Variants in ELOVL5 observed in about 807,000 individuals in gnomAD.
ELOVL5 encodes the protein very long chain fatty acid elongase 5.
ELOVL5 carries 8 observed loss-of-function variants against 38.6 expected under a neutral mutation model. The observed-to-expected ratio is 0.21, with a 90% CI of 0.12 to 0.37. The LOEUF (loss-of-function observed/expected upper bound fraction) is 0.37, where lower values mean the gene tolerates loss of function less well. ELOVL5 is among the 10% of genes least tolerant of loss of function. ELOVL5 has a pLI of 1.00. For synonymous variants in ELOVL5, 127 were observed against 133.7 expected, an observed-to-expected ratio of 0.95 and a Z score of 0.34; for missense variants, 280 against 367.8, an observed-to-expected ratio of 0.76 and a Z score of 1.95.
chr6:53,293,471 C>T (rs1766852799), intron 2 of ELOVL5, among the ~76,000 whole-genome samples: 1 of 152,068 alleles, frequency 6.6e-6, no homozygotes, highest in Non-Finnish European at 1.5e-5. Context: ...ACACACACCA[C>T]CACACCCCGC....
At chr6:53,293,524 G>A (rs1044807001) in intron 2 of ELOVL5, among the ~76,000 whole-genome samples, 3 of 151,986 alleles carry the variant, frequency 2.0e-5, no homozygotes, top group African/African-American at 7.3e-5. Context: ...CACCATATTG[G>A]TCAGGCTGGT....
intron 1 of ELOVL5, among the ~76,000 whole-genome samples, chr6:53,304,371 T>C (rs9395851): frequency 0.36 from 55,222 of 152,032 alleles, 11,143 homozygotes; most frequent in African/African-American, 0.55. Context: ...CTTTGTAAAG[T>C]GTGAGCCCAT....
chr6:53,338,376 C>G (rs966496997), intron 1 of ELOVL5, among the ~76,000 whole-genome samples: 2 of 152,176 alleles, frequency 1.3e-5, no homozygotes, highest in African/African-American at 4.8e-5. Context: ...TGCTTTTGTT[C>G]CTACTCCTTG....
chr6:53,305,145 G>A (rs1247785808), intron 1 of ELOVL5, among the ~76,000 whole-genome samples: 1 of 150,458 alleles, frequency 6.6e-6, no homozygotes, highest in Non-Finnish European at 1.5e-5. Context: ...CGGCTCGCCG[G>A]GCAGGGGGCT....
At chr6:53,306,796 T>G (rs1767598783) in intron 1 of ELOVL5, among the ~76,000 whole-genome samples, 1 of 152,222 alleles carries the variant, frequency 6.6e-6, no homozygotes, top group Admixed American at 6.5e-5. Context: ...GAAGAAGTGG[T>G]GATAACTTTT....
chr6:53,312,304 C>T (rs774641085), intron 1 of ELOVL5, among the ~76,000 whole-genome samples: 1 of 152,172 alleles, frequency 6.6e-6, no homozygotes, highest in Non-Finnish European at 1.5e-5. Context: ...AAGATACTCT[C>T]CAACAGGTGA....
chr6:53,328,385 A>C (rs572386126), intron 1 of ELOVL5, among the ~76,000 whole-genome samples: 2 of 152,320 alleles, frequency 1.3e-5, no homozygotes, highest in East Asian at 3.9e-4. Context: ...GTATCAAAGA[A>C]TCTGAGGTTA....
At chr6:53,314,707 T>TG (rs1219998078) in intron 1 of ELOVL5, among the ~76,000 whole-genome samples, 2 of 151,454 alleles carry the variant, frequency 1.3e-5, no homozygotes, top group Non-Finnish European at 2.9e-5. Flanking sequence ...ATAATTTGAG[T>TG]GAAAAAAATA....
At chr6:53,295,181 A>G (rs1194268816) in intron 2 of ELOVL5, among the ~76,000 whole-genome samples, 1 of 152,242 alleles carries the variant, frequency 6.6e-6, no homozygotes, top group Non-Finnish European at 1.5e-5. Context: ...GGCAATATGA[A>G]GCTGATTTAC....
chr6:53,281,043 A>C (rs1034740947), intron 3 of ELOVL5, among the ~76,000 whole-genome samples: 1 of 152,186 alleles, frequency 6.6e-6, no homozygotes, highest in Non-Finnish European at 1.5e-5. Flanking sequence ...GGTCACTGGA[A>C]ACACTTAAAG....
intron 1 of ELOVL5, among the ~76,000 whole-genome samples, chr6:53,308,081 C>G (rs563923912): frequency 1.8e-4 from 28 of 151,620 alleles, no homozygotes; most frequent in African/African-American, 6.6e-4. Flanking sequence ...GAAAAAGATA[C>G]AGAACTATGT....
At chr6:53,334,337 G>A (rs192150009) in intron 1 of ELOVL5, among the ~76,000 whole-genome samples, 22 of 152,296 alleles carry the variant, frequency 1.4e-4, no homozygotes, top group African/African-American at 5.1e-4. Flanking sequence ...CAGAGCCAGA[G>A]AGGCTCCTGA....
At chr6:53,335,092 T>C (rs911634106) in intron 1 of ELOVL5, among the ~76,000 whole-genome samples, 5 of 152,194 alleles carry the variant, frequency 3.3e-5, no homozygotes, top group African/African-American at 1.2e-4. Flanking sequence ...TCTATGGGAT[T>C]TACAGGATTT....
chr6:53,321,922 C>T (rs1217430930), intron 1 of ELOVL5, among the ~76,000 whole-genome samples: 8 of 152,142 alleles, frequency 5.3e-5, no homozygotes, highest in Non-Finnish European at 1.2e-4. Flanking sequence ...TAACAGGTCA[C>T]CCATGTTAGG....
At position 53,269,099 on chromosome 6, in the gene ELOVL5, T is replaced by C. The variant is rs201013116; in HGVS notation, c.*28A>G. 251 of 1,608,532 alleles carry C rather than the reference T, an allele frequency of 1.6e-4. 4 individuals carry two copies. The East Asian group carries it at 5.2e-3, about 34-fold the overall frequency. ...ATATTGTGCTTACAATCAGATGACG[T>C]GGTTTGGAGGGTTTCAATTCTTTGA... On this transcript the variant is annotated 3_prime_UTR_variant, in exon 8 of 8. Coordinates refer to ENST00000304434, the MANE Select transcript of ELOVL5 (RefSeq NM_021814.5).
At chr6:53,302,505 CA>C (rs1767298400) in intron 1 of ELOVL5, among the ~76,000 whole-genome samples, 3 of 152,034 alleles carry the variant, frequency 2.0e-5, no homozygotes, top group African/African-American at 7.2e-5. Flanking sequence ...AAGTACGTCT[CA>C]AGGAGAGTGC....
At chr6:53,313,521 C>T (rs1224525468) in intron 1 of ELOVL5, among the ~76,000 whole-genome samples, 1 of 151,870 alleles carries the variant, frequency 6.6e-6, no homozygotes, top group Non-Finnish European at 1.5e-5. Flanking sequence ...GCCACCACTC[C>T]CAGCTAATTA....
At chr6:53,324,347 A>G (rs1247329150) in intron 1 of ELOVL5, among the ~76,000 whole-genome samples, 1 of 152,098 alleles carries the variant, frequency 6.6e-6, no homozygotes, top group Non-Finnish European at 1.5e-5. Flanking sequence ...TATATAACTA[A>G]AAGTAACATT....
chr6:53,307,660 T>C (rs984486265), intron 1 of ELOVL5, among the ~76,000 whole-genome samples: 2 of 152,222 alleles, frequency 1.3e-5, no homozygotes, highest in Admixed American at 6.5e-5. Context: ...GACTCACAAA[T>C]GATACTTGTG....
Sources: allele counts gnomAD v4.1 joint callset (sites outside exome capture counted in the v4.1 genomes callset), GRCh38; gene constraint gnomAD v4.1.1; transcripts MANE v1.5; gene names NCBI Gene and HGNC (gene_info 2026-07-23, HGNC 2026-07-21).